Variants in TULP4 observed in about 807,000 individuals in gnomAD.
The protein encoded by TULP4 is tubby-related protein 4.
TULP4 carries 16 observed loss-of-function variants against 129.0 expected under a neutral mutation model. That is an observed-to-expected ratio of 0.12 (90% confidence interval 0.08 to 0.19). The LOEUF (loss-of-function observed/expected upper bound fraction) is 0.19, where lower values mean the gene tolerates loss of function less well. Ranked by LOEUF, TULP4 falls within the 10% of genes least tolerant of loss-of-function variation. TULP4 has a pLI of 1.00. For missense variants in TULP4, 1,842 were observed against 2,059.1 expected, an observed-to-expected ratio of 0.89 and a Z score of 2.04; for synonymous variants, 998 against 854.0, an observed-to-expected ratio of 1.17 and a Z score of -2.94.
chr6:158,423,553 A>G (rs1295134650), intron 2 of TULP4, among the ~76,000 whole-genome samples: 1 of 152,226 alleles, frequency 6.6e-6, no homozygotes, highest in Non-Finnish European at 1.5e-5. Context: ...TACTCTATAC[A>G]TATATACAGT....
intron 1 of TULP4, among the ~76,000 whole-genome samples, chr6:158,250,368 G>A (rs1365218729): frequency 6.6e-6 from 1 of 151,150 alleles, no homozygotes; most frequent in East Asian, 2.0e-4. Flanking sequence ...ATGTTGGCCA[G>A]GATGATCTCG....
At chr6:158,505,341 C>T (rs1344730859) in intron 13 of TULP4, among the ~76,000 whole-genome samples, 1 of 152,170 alleles carries the variant, frequency 6.6e-6, no homozygotes, top group Non-Finnish European at 1.5e-5. Flanking sequence ...CCAGGGTTGG[C>T]ATACTGGCCT....
chr6:158,335,992 A>G (rs1014548984), intron 1 of TULP4, among the ~76,000 whole-genome samples: 48 of 152,234 alleles, frequency 3.2e-4, no homozygotes, highest in African/African-American at 1.2e-3. Context: ...GAAGACATAT[A>G]TAGTTTTCTT....
chr6:158,385,840 A>ATTTTTTTTTTT (rs1397821107), intron 1 of TULP4, among the ~76,000 whole-genome samples: 3 of 34,024 alleles, frequency 8.8e-5, no homozygotes, highest in Admixed American at 2.4e-4. Flanking sequence ...AATGTGGAAT[A>ATTTTTTTTTTT]TCTTTTTTTT....
At chr6:158,278,539 TC>T (rs1778686145), upstream of TULP4, among the ~76,000 whole-genome samples, 1 of 152,176 alleles carries the variant, frequency 6.6e-6, no homozygotes, top group Non-Finnish European at 1.5e-5. Flanking sequence ...CTTAGATCTT[TC>T]CTAGAAAAAA....
At chr6:158,453,263 C>G (rs549129319) in intron 5 of TULP4, among the ~76,000 whole-genome samples, 1 of 151,850 alleles carries the variant, frequency 6.6e-6, no homozygotes, top group East Asian at 1.9e-4. Context: ...GTCAGCAGTT[C>G]GAGACCAGCC....
In TULP4 at chr6:158,509,047, C is replaced by A; in HGVS notation, c.*2353C>A. The stretch of plus-strand genomic sequence containing the variant: ...GGATTATAGACACCCGCCAACACGC[C>A]AGGCTAATGTTTTTGTATTTTTAAT... On this transcript the variant is annotated 3_prime_UTR_variant, in exon 14 of 14. Coordinates refer to ENST00000367097, the MANE Select transcript of TULP4 (RefSeq NM_020245.5). 1 of 152,010 alleles carries A rather than the reference C, an allele frequency of 6.6e-6. No homozygotes were observed. The highest frequency in any genetic ancestry group is 1.5e-5 in the Non-Finnish European group (1 of 68,010). 9.4% of individuals were successfully genotyped at this position (152,010 alleles called of 1,614,324 possible). A position where few individuals can be genotyped will look rare whatever the true frequency, so the allele number is the denominator to read the frequency against.
intron 1 of TULP4, among the ~76,000 whole-genome samples, chr6:158,315,922 C>T (rs548767539): frequency 2.0e-5 from 3 of 152,346 alleles, no homozygotes; most frequent in African/African-American, 4.8e-5. Flanking sequence ...TTGATACCAC[C>T]ACATGGGGAT....
chr6:158,498,732 T>C lies in TULP4; in HGVS notation c.1934T>C (p.Val645Ala), dbSNP rs1350378763. ...PRQMTIYLPEVRKISMDYINL... is the reference protein window; with the variant it reads ...PRQMTIYLPEARKISMDYINL... Reference sequence around the variant, plus strand: ...CAGATGACCATTTATCTCCCAGAAGTTCGGAAAATTTCCATGGACTATATT... The same window carrying C: ...CAGATGACCATTTATCTCCCAGAAGCTCGGAAAATTTCCATGGACTATATT... The change falls in exon 12 of 14, where the codon GTT (valine) becomes GCT (alanine). Residue 645 changes from valine (V) to alanine (A), a missense_variant. Transcript: ENST00000367097. 1 of 1,614,212 alleles carries C rather than the reference T, an allele frequency of 6.2e-7. No individual in the cohort carries two copies. Among genetic ancestry groups the C allele is most frequent in the Non-Finnish European group, 8.5e-7 (1 of 1,180,030 alleles).
At chr6:158,462,904 C>T (rs1284782373) in intron 6 of TULP4, among the ~76,000 whole-genome samples, 1 of 152,048 alleles carries the variant, frequency 6.6e-6, no homozygotes, top group African/African-American at 2.4e-5. Flanking sequence ...TGCCCGCCAC[C>T]ACGCCCGGCT....
At chr6:158,448,926 G>A (rs958214319) in intron 3 of TULP4, 70 bp from the exon 4 acceptor site, 4 of 1,480,580 alleles carry the variant, frequency 2.7e-6, no homozygotes, top group South Asian at 1.3e-5. Context: ...AAAACAAATC[G>A]AGGCAACAAG....
At chr6:158,286,085 C>G (rs978787696) in intron 1 of TULP4, among the ~76,000 whole-genome samples, 1 of 152,164 alleles carries the variant, frequency 6.6e-6, no homozygotes, top group Admixed American at 6.5e-5. Flanking sequence ...TATAGGTATT[C>G]ATGAAAATAT....
chr6:158,260,889 C>T (rs1037605547), intron 1 of TULP4, among the ~76,000 whole-genome samples: 8 of 143,812 alleles, frequency 5.6e-5, no homozygotes, highest in Admixed American at 4.9e-4. Flanking sequence ...GGCGCAATCT[C>T]GGCTCACTGC....
At chr6:158,269,468 A>G (rs989353452) in intron 1 of TULP4, among the ~76,000 whole-genome samples, 3 of 152,106 alleles carry the variant, frequency 2.0e-5, no homozygotes, top group Non-Finnish European at 4.4e-5. Context: ...TTCCTTAGTA[A>G]TGGAGAAATC....
At chr6:158,430,929 C>CT (rs912707446) in intron 3 of TULP4, among the ~76,000 whole-genome samples, 9 of 151,804 alleles carry the variant, frequency 5.9e-5, no homozygotes, top group East Asian at 5.8e-4. Context: ...TTTTGAGCCA[C>CT]TTTTTTTTAA....
chr6:158,463,400 A>T (rs561704882), intron 6 of TULP4, among the ~76,000 whole-genome samples: 103 of 152,206 alleles, frequency 6.8e-4, no homozygotes, highest in African/African-American at 2.3e-3. Flanking sequence ...AGCAGCGCGT[A>T]ATAGACGTAT....
At chr6:158,354,708 C>T (rs542489962) in intron 1 of TULP4, among the ~76,000 whole-genome samples, 189 of 152,064 alleles carry the variant, frequency 1.2e-3, no homozygotes, top group Non-Finnish European at 2.0e-3. Context: ...GTCTGGGCAA[C>T]GTAGCAAGAC....
chr6:158,451,226 T>G (rs1161023255), intron 4 of TULP4, among the ~76,000 whole-genome samples: 3 of 152,180 alleles, frequency 2.0e-5, no homozygotes, highest in Non-Finnish European at 2.9e-5. Context: ...GGGGGCAGTT[T>G]AGAGGATGAC....
rs1780449549 is a variant in TULP4 at position 158,501,734 on chromosome 6, A to G, written c.2071A>G (p.Ile691Val). Reference sequence around the variant, plus strand: ...CCCACCTTGTACCGTGAACATCCCTATTGCACCGATCCACAGCTCGGCTCA... The same window carrying G: ...CCCACCTTGTACCGTGAACATCCCTGTTGCACCGATCCACAGCTCGGCTCA... ...NSPPCTVNIPIAPIHSSAQAM... is the reference protein window; with the variant it reads ...NSPPCTVNIPVAPIHSSAQAM... Residue 691 changes from isoleucine (I) to valine (V), a missense_variant, in exon 13 of 14, where the codon ATT becomes GTT. By Grantham distance (29) the Ile-to-Val change is conservative (BLOSUM62 3). This residue lies in a region of TULP4 where 99 missense variants were observed against 165.1 expected (regional missense o/e 0.60). Coordinates refer to ENST00000367097, the MANE Select transcript of TULP4 (RefSeq NM_020245.5). 1.9e-6 allele frequency: 3 copies of G among 1,613,872 alleles called. No homozygotes were observed. Among genetic ancestry groups the G allele is most frequent in the Admixed American group, 1.7e-5 (1 of 59,982 alleles).
Sources: allele counts gnomAD v4.1 joint callset (sites outside exome capture counted in the v4.1 genomes callset), GRCh38; gene constraint gnomAD v4.1.1; regional missense constraint gnomAD v4.1.1; transcripts MANE v1.5; gene names NCBI Gene and HGNC (gene_info 2026-07-23, HGNC 2026-07-21).